TWIST2: variants seen among roughly 807,000 people sequenced by gnomAD.
TWIST2 encodes twist-related protein 2.
TWIST2 carries 1 observed loss-of-function variant against 11.6 expected under a neutral mutation model. The observed-to-expected ratio is 0.09, with a 90% CI of 0.03 to 0.41. The LOEUF (loss-of-function observed/expected upper bound fraction) is 0.41, where lower values mean the gene tolerates loss of function less well. Among genes scored for constraint, TWIST2 ranks in the 10% least tolerant of loss-of-function variants. The probability of loss-of-function intolerance (pLI) is 0.98; values close to 1 mark genes in which losing one functional copy is unlikely to be tolerated. For synonymous variants in TWIST2, 87 were observed against 96.6 expected (o/e 0.90, Z 0.58); for missense variants, 168 against 226.4 (o/e 0.74, Z 1.66).
At position 238,866,103 on chromosome 2, in the gene TWIST2, C is replaced by T. The variant is rs1236770617; in HGVS notation, c.*35+17370C>T. 2.0e-5 allele frequency among the ~76,000 whole-genome samples: 3 copies of T among 152,188 alleles called. No individual in the cohort carries two copies. Among genetic ancestry groups the T allele is most frequent in the African/African-American group, 7.2e-5 (3 of 41,456 alleles). ...CACACTGCATCTGGTGTTACTGGGA[C>T]CCACTGAATGTAGGTTCCTTTACCC... is the stretch of plus-strand genomic sequence containing the variant. On this transcript the variant is annotated intron_variant, in intron 1 of 1. Transcript: ENST00000612363. The surrounding 1 kb of genome is among the most constrained non-coding windows in gnomAD (Gnocchi z 4.9).
rs773195866 is a variant in TWIST2 at position 238,864,423 on chromosome 2, C to T, written c.*35+15690C>T. ...ACTGGGAGCAGGAGTGACTCAGAGCCGTGGCTTTTTGTCCTCTGGCTGTGC... is the reference window on the plus strand; with the variant it reads ...ACTGGGAGCAGGAGTGACTCAGAGCTGTGGCTTTTTGTCCTCTGGCTGTGC... On this transcript the variant is annotated intron_variant, in intron 1 of 1. Transcript: ENST00000612363. This position sits in a 1 kb window ranked among gnomAD's most constrained non-coding sequence, Gnocchi z 4.7. Among the ~76,000 whole-genome samples the T allele has an allele frequency of 1.3e-5, 2 of 152,204 alleles. No homozygotes were observed. The highest frequency in any genetic ancestry group is 1.5e-5 in the Non-Finnish European group (1 of 68,046).
intron 1 of TWIST2, among the ~76,000 whole-genome samples, chr2:238,851,376 A>C (rs1692237996): frequency 6.6e-6 from 1 of 152,182 alleles, no homozygotes; most frequent in Non-Finnish European, 1.5e-5. Flanking sequence ...AAAATCTCAA[A>C]AGGATTTTTT....
chr2:238,848,775 G>T (rs986281122), intron 1 of TWIST2, 42 bp downstream of exon 1: 1 of 1,316,726 alleles, frequency 7.6e-7, no homozygotes, highest in African/African-American at 1.6e-5. Context: ...GCTGCGGGGG[G>T]CGGGCGGCAG....
rs1451931694 is a variant in TWIST2, at chr2:238,867,409, ACACT to A, written c.*35+18678_*35+18681del. 3.2e-4 allele frequency among the ~76,000 whole-genome samples: 48 copies of A among 149,346 alleles called. No individual in the cohort carries two copies. The highest frequency in any genetic ancestry group is 2.9e-3 in the East Asian group (15 of 5,140). ...CACACACACACACACACACACACAC[ACACT>A]CCTCAGTAAAATACCCAGTTCTCAC... is the stretch of plus-strand genomic sequence containing the variant. On this transcript the variant is annotated intron_variant, in intron 1 of 1. Coordinates refer to ENST00000612363, the MANE Select transcript of TWIST2 (RefSeq NM_001271893.4). The surrounding 1 kb of genome is among the most constrained non-coding windows in gnomAD (Gnocchi z 4.8).
At chr2:238,871,696 C>CAT (rs1165529099) in intron 1 of TWIST2, among the ~76,000 whole-genome samples, 8 of 141,518 alleles carry the variant, frequency 5.7e-5, no homozygotes, top group African/African-American at 2.1e-4. Flanking sequence ...CACACACACA[C>CAT]GATGGAATGT....
intron 1 of TWIST2, among the ~76,000 whole-genome samples, chr2:238,878,188 C>A (rs912766358): frequency 9.9e-5 from 15 of 152,160 alleles, no homozygotes; most frequent in African/African-American, 3.4e-4. Flanking sequence ...GCCCTCTCCC[C>A]CACTGTACCC....
At chr2:238,856,006 TTTG>T (rs1344989987) in intron 1 of TWIST2, among the ~76,000 whole-genome samples, 7 of 152,086 alleles carry the variant, frequency 4.6e-5, no homozygotes, top group African/African-American at 1.7e-4. Flanking sequence ...GTGCCCTGTT[TTTG>T]TTGATTTCTC....
intron 1 of TWIST2, among the ~76,000 whole-genome samples, chr2:238,860,804 G>C (rs1692418137): frequency 6.6e-6 from 1 of 152,188 alleles, no homozygotes; most frequent in African/African-American, 2.4e-5. Context: ...CGGACGAGGT[G>C]GTGGGCACCT....
In TWIST2 at chr2:238,863,038, T is replaced by A. The variant is rs1574749819; in HGVS notation, c.*35+14305T>A. 9.6e-6 allele frequency among the ~76,000 whole-genome samples: 1 copy of A among 103,806 alleles called. No homozygotes were observed. The highest frequency in any genetic ancestry group is 3.5e-4 in the South Asian group (1 of 2,854). The allele number at this position is 103,806 out of a possible 152,430, so 68.1% of individuals were successfully genotyped here. A position where few individuals can be genotyped will look rare whatever the true frequency, so the allele number is the denominator to read the frequency against. ...ATGAAAGAGCTTCCTTTCCTTCTTATGTTTTTTTTTTTTTAATTTCTAGAT... is the reference window on the plus strand; with the variant it reads ...ATGAAAGAGCTTCCTTTCCTTCTTAAGTTTTTTTTTTTTTAATTTCTAGAT... On this transcript the variant is annotated intron_variant, in intron 1 of 1. Transcript: ENST00000612363. The surrounding 1 kb of genome is among the most constrained non-coding windows in gnomAD (Gnocchi z 4.7).
At chr2:238,869,206 A>G (rs1392803783) in intron 1 of TWIST2, among the ~76,000 whole-genome samples, 1 of 152,212 alleles carries the variant, frequency 6.6e-6, no homozygotes. Flanking sequence ...GGAGTACTTT[A>G]AAGAAGGGAT....
chr2:238,860,037 T>C (rs1327885565), intron 1 of TWIST2, among the ~76,000 whole-genome samples: 2 of 152,124 alleles, frequency 1.3e-5, no homozygotes, highest in African/African-American at 4.8e-5. Context: ...TGGTACCTGA[T>C]GGGAAGACAC....
At chr2:238,870,486 A>C (rs1214660411) in intron 1 of TWIST2, among the ~76,000 whole-genome samples, 8 of 94,060 alleles carry the variant, frequency 8.5e-5, no homozygotes, top group Non-Finnish European at 8.5e-5. Flanking sequence ...CCACACACAC[A>C]CCACACACCC....
At chr2:238,876,261 T>C (rs1559276948) in intron 1 of TWIST2, among the ~76,000 whole-genome samples, 1 of 152,166 alleles carries the variant, frequency 6.6e-6, no homozygotes, top group Non-Finnish European at 1.5e-5. Context: ...TCTCAGCAGC[T>C]CAGAACTGTC....
At chr2:238,848,784 A>C (rs1692182461) in intron 1 of TWIST2, 51 bp downstream of exon 1, 2 of 1,290,862 alleles carry the variant, frequency 1.5e-6, no homozygotes, top group Non-Finnish European at 2.0e-6. Flanking sequence ...GGCGGGCGGC[A>C]GGGGCGCAGG....
Position 238,864,752 on chromosome 2 carries a change from C to G in TWIST2, c.*35+16019C>G, listed in dbSNP as rs1295405654. ...CGCGGGGTCCACTTGGTATAGGCAC[C>G]CACCAGGCCTGCACCCTACCCTGGG... On this transcript the variant is annotated intron_variant, in intron 1 of 1. Transcript: ENST00000612363. This position sits in a 1 kb window ranked among gnomAD's most constrained non-coding sequence, Gnocchi z 4.7. Among the ~76,000 whole-genome samples the G allele has an allele frequency of 6.6e-6, 1 of 152,152 alleles. No homozygotes were observed. The highest frequency in any genetic ancestry group is 1.5e-5 in the Non-Finnish European group (1 of 68,016).
In TWIST2 at chr2:238,866,565, G is replaced by A. The variant is rs1013847145; in HGVS notation, c.*35+17832G>A. On this transcript the variant is annotated intron_variant, in intron 1 of 1. Coordinates refer to ENST00000612363, the MANE Select transcript of TWIST2 (RefSeq NM_001271893.4). The surrounding 1 kb of genome is among the most constrained non-coding windows in gnomAD (Gnocchi z 4.9). ...CCAGCTACCTGGGAGGCTGTGGCAG[G>A]AGAATTGCTTGAACCCGGGAGGCGG... Among the ~76,000 whole-genome samples the A allele has an allele frequency of 1.3e-5, 2 of 152,210 alleles. No individual in the cohort carries two copies. Among genetic ancestry groups the A allele is most frequent in the African/African-American group, 4.8e-5 (2 of 41,456 alleles).
intron 1 of TWIST2, among the ~76,000 whole-genome samples, chr2:238,868,823 G>A (rs1407347684): frequency 6.6e-6 from 1 of 152,250 alleles, no homozygotes; most frequent in African/African-American, 2.4e-5. Flanking sequence ...CAGCAAGGCT[G>A]GAGGGAGCGC....
chr2:238,905,301 CCAGGCAGG>C (rs1483113179), intron 1 of TWIST2, among the ~76,000 whole-genome samples: 66 of 152,308 alleles, frequency 4.3e-4, no homozygotes, highest in Admixed American at 1.2e-3. Flanking sequence ...GACTCCTGGG[CCAGGCAGG>C]CAGATACAGG....
chr2:238,849,622 G>A lies in TWIST2; in HGVS notation c.*35+889G>A, dbSNP rs180786272. Among the ~76,000 whole-genome samples the A allele has an allele frequency of 7.7e-3, 1,166 of 152,312 alleles. 3 individuals are homozygous for A. Among genetic ancestry groups the A allele is most frequent in the Admixed American group, 9.3e-3 (143 of 15,314 alleles). Reference sequence around the variant, plus strand: ...GGTCCAGGCTGGGAAACGGGTCTGGGGGACAGGGAGGCTGTGCGCGCCGGG... The same window carrying A: ...GGTCCAGGCTGGGAAACGGGTCTGGAGGACAGGGAGGCTGTGCGCGCCGGG... On this transcript the variant is annotated intron_variant, in intron 1 of 1. Coordinates refer to ENST00000612363, the MANE Select transcript of TWIST2 (RefSeq NM_001271893.4).
Sources: gnomAD v4.1 joint callset for allele counts (sites outside exome capture counted in the v4.1 genomes callset) on GRCh38, gnomAD v4.1.1 for gene constraint, Gnocchi (gnomAD v3.1) non-coding constraint, MANE v1.5 for transcripts, NCBI Gene and HGNC (gene_info 2026-07-23, HGNC 2026-07-21) for gene names.